PRPF18: variants seen among roughly 807,000 people sequenced by gnomAD.
PRPF18 encodes the protein pre-mRNA processing factor 18.
A neutral mutation model predicts 46.5 loss-of-function variants in PRPF18; 38 were observed. That is an observed-to-expected ratio of 0.82 (90% CI 0.63 to 1.07). The LOEUF is 1.07. Among genes scored for constraint, PRPF18 ranks in the 50% least tolerant of loss-of-function variants. PRPF18 has a pLI of 0.00. For missense variants in PRPF18, 263 were observed against 410.0 expected, an observed-to-expected ratio of 0.64 and a Z score of 3.10; for synonymous variants, 152 against 146.7, an observed-to-expected ratio of 1.04 and a Z score of -0.26.
At chr10:13,644,536 G>A in the PRPF18 span, 6 of 152,262 alleles carry the variant, frequency 3.9e-5, no homozygotes, top group Admixed American at 1.3e-4. Flanking sequence ...TGTCCCCCAA[G>A]TTGAAAATAT....
chr10:13,602,376 G>A lies in PRPF18; in HGVS notation c.249+2028G>A, dbSNP rs542822032. Among the ~76,000 whole-genome samples, 440 of 152,160 alleles carry A rather than the reference G, an allele frequency of 2.9e-3. 2 individuals are homozygous for A. Among genetic ancestry groups the A allele is most frequent in the South Asian group, 0.017 (80 of 4,814 alleles). On this transcript the variant is annotated intron_variant, in intron 3 of 9. Coordinates refer to ENST00000378572, the MANE Select transcript of PRPF18 (RefSeq NM_003675.4). Reference sequence around the variant, plus strand: ...AGATCAACATATTTATATGTTAAGGGTGTTAACCTGTGTTCATAAGTGTGT... The same window carrying A: ...AGATCAACATATTTATATGTTAAGGATGTTAACCTGTGTTCATAAGTGTGT...
chr10:13,634,188 T>G (rs1444462453), downstream of PRPF18, among the ~76,000 whole-genome samples: 2 of 152,192 alleles, frequency 1.3e-5, no homozygotes, highest in East Asian at 1.9e-4. Flanking sequence ...AAGCATTGAT[T>G]ATTTATTTTT....
At chr10:13,602,921 C>T (rs992188579) in intron 3 of PRPF18, among the ~76,000 whole-genome samples, 2 of 152,140 alleles carry the variant, frequency 1.3e-5, no homozygotes, top group Admixed American at 6.5e-5. Flanking sequence ...TTAGTAGAAA[C>T]GAGGTTTTGC....
chr10:13,607,021 A>G (rs986209223), intron 4 of PRPF18, among the ~76,000 whole-genome samples: 4 of 152,218 alleles, frequency 2.6e-5, no homozygotes, highest in Non-Finnish European at 1.5e-5. Flanking sequence ...TTACCTGATG[A>G]CTAAAGATGA....
rs1049607837 is a variant in PRPF18, at chr10:13,605,504, C to T, written c.250-127C>T. 16 of 992,122 alleles carry T rather than the reference C, an allele frequency of 1.6e-5. No individual in the cohort carries two copies. In the East Asian group the frequency reaches 4.2e-4, roughly 26 times the overall value. 61.5% of individuals were successfully genotyped at this position (992,122 alleles called of 1,614,324 possible). A position where few individuals can be genotyped will look rare whatever the true frequency, so the allele number is the denominator to read the frequency against. On this transcript the variant is annotated intron_variant, in intron 3 of 9. Coordinates refer to ENST00000378572, the MANE Select transcript of PRPF18 (RefSeq NM_003675.4). ...GGCTGAGGCAGGAGAATCGCTTGAA[C>T]CTGGGAGGCGGAGCTTGCAGTGAGC...
the PRPF18 span, among the ~76,000 whole-genome samples, chr10:13,636,790 A>T: frequency 5.3e-5 from 8 of 152,232 alleles, no homozygotes; most frequent in Admixed American, 4.6e-4. Flanking sequence ...CATAATTTTT[A>T]AAAAATATCG....
rs1402890138 is a variant in PRPF18 at position 13,606,745 on chromosome 10, A to AAAAAAC, written c.363+1006_363+1007insCAAAAA. On this transcript the variant is annotated intron_variant, in intron 4 of 9. Coordinates refer to ENST00000378572, the MANE Select transcript of PRPF18 (RefSeq NM_003675.4). ...TGAGACTCCTTCTCAAAAAAAAAAAAAAAAAAAAAAAAACAGGGATAAAAC... is the reference window on the plus strand; with the variant it reads ...TGAGACTCCTTCTCAAAAAAAAAAAAAAAAACAAAAAAAAAAAAACAGGGATAAAAC... 7.3e-5 allele frequency among the ~76,000 whole-genome samples: 11 copies of AAAAAAC among 151,632 alleles called. No individual in the cohort carries two copies. In the East Asian group the frequency reaches 1.4e-3, roughly 19 times the overall value.
the PRPF18 span, among the ~76,000 whole-genome samples, chr10:13,649,797 G>A: frequency 3.3e-5 from 5 of 152,180 alleles, no homozygotes; most frequent in African/African-American, 9.7e-5. Flanking sequence ...CATGTGCTAC[G>A]AAAGAGACCC....
At chr10:13,616,679 C>T (rs1250262748) in intron 9 of PRPF18, 126 bp downstream of exon 9, 6 of 1,241,396 alleles carry the variant, frequency 4.8e-6, no homozygotes, top group Non-Finnish European at 4.5e-6. Flanking sequence ...ATGGAAGTCC[C>T]CTCTGGATAA....
chr10:13,590,103 A>G (rs142815727), intron 1 of PRPF18, among the ~76,000 whole-genome samples: 196 of 128,962 alleles, frequency 1.5e-3, no homozygotes, highest in African/African-American at 5.3e-3. Flanking sequence ...AAATGCACCA[A>G]TCTACAAAAA....
the PRPF18 span, chr10:13,652,255 T>C: frequency 2.1e-6 from 1 of 473,360 alleles, no homozygotes; most frequent in Non-Finnish European, 3.8e-6. Flanking sequence ...AAAATTGCTG[T>C]TTTTCAAATT....
At chr10:13,624,930 T>G (rs1167141887) in intron 9 of PRPF18, among the ~76,000 whole-genome samples, 1 of 152,118 alleles carries the variant, frequency 6.6e-6, no homozygotes. Flanking sequence ...CATCAGACAT[T>G]TGGAGAAAGT....
chr10:13,630,720 T>A lies in PRPF18; in HGVS notation c.*380T>A. 6.6e-6 allele frequency: 1 copy of A among 152,420 alleles called. No homozygotes were observed. The highest frequency in any genetic ancestry group is 1.5e-5 in the Non-Finnish European group (1 of 68,150). The allele number at this position is 152,420 out of a possible 1,614,324, so 9.4% of individuals were successfully genotyped here. A position where few individuals can be genotyped will look rare whatever the true frequency, so the allele number is the denominator to read the frequency against. On this transcript the variant is annotated 3_prime_UTR_variant, in exon 10 of 10. Transcript: ENST00000378572. ...ATTATTTCAGTAAAATATTATAATT[T>A]GCCTATTGTCTTTTATGTAATATTT...
the PRPF18 span, chr10:13,639,888 A>G: frequency 6.6e-6 from 1 of 152,186 alleles, no homozygotes; most frequent in Middle Eastern, 3.4e-3. Context: ...CCCCCCTTCT[A>G]TTTGCTTTCT....
chr10:13,655,269 A>T, the PRPF18 span: 1 of 152,212 alleles, frequency 6.6e-6, no homozygotes, highest in Non-Finnish European at 1.5e-5. Context: ...GATCTACCTC[A>T]TCTCTTTACA....
chr10:13,645,291 C>T, the PRPF18 span: 1 of 152,138 alleles, frequency 6.6e-6, no homozygotes, highest in African/African-American at 2.4e-5. Flanking sequence ...TACCCCCACC[C>T]TGGCTCCTGT....
chr10:13,634,741 C>T (rs893917232), downstream of PRPF18, among the ~76,000 whole-genome samples: 2 of 152,172 alleles, frequency 1.3e-5, no homozygotes, highest in Admixed American at 1.3e-4. Context: ...AGTCACTGGC[C>T]GTACCATGTG....
intron 1 of PRPF18, among the ~76,000 whole-genome samples, chr10:13,594,097 A>G (rs1400284802): frequency 1.3e-5 from 2 of 152,216 alleles, no homozygotes; most frequent in Non-Finnish European, 2.9e-5. Flanking sequence ...TTTACATAGG[A>G]CACATTTATT....
intron 8 of PRPF18, among the ~76,000 whole-genome samples, chr10:13,616,172 G>A (rs12765187): frequency 1.3e-5 from 2 of 152,140 alleles, no homozygotes; most frequent in Non-Finnish European, 2.9e-5. Context: ...TCACAACCTA[G>A]CTTTGGTTTC....
Sources: gnomAD v4.1 joint callset for allele counts (sites outside exome capture counted in the v4.1 genomes callset) on GRCh38, gnomAD v4.1.1 for gene constraint, MANE v1.5 for transcripts, NCBI Gene and HGNC (gene_info 2026-07-23, HGNC 2026-07-21) for gene names.